The following F11 variants were observed in gnomAD, a reference collection of about 807,000 sequenced individuals.
The protein encoded by F11 is coagualtion factor XI.
Under a neutral mutation model 76.5 loss-of-function variants are expected in F11, and 78 were observed. That is an observed-to-expected ratio of 1.02 (90% CI 0.85 to 1.23). F11 has a LOEUF of 1.23. Among genes scored for constraint, F11 ranks in the 50% most tolerant of loss-of-function variants. The pLI is 0.00. For missense variants in F11, 742 were observed against 771.4 expected (o/e 0.96, Z 0.45); for synonymous variants, 278 against 276.3 (o/e 1.01, Z -0.06).
At chr4:186,280,665 C>A in intron 10 of F11, 85 bp downstream of exon 10, 1 of 1,162,968 alleles carries the variant, frequency 8.6e-7, no homozygotes, top group Non-Finnish European at 1.3e-6. Context: ...CAGTTATAGC[C>A]ACAGAAGGGA....
intron 10 of F11, among the ~76,000 whole-genome samples, chr4:186,283,576 T>C (rs1740950896): frequency 6.6e-6 from 1 of 152,318 alleles, no homozygotes; most frequent in African/African-American, 2.4e-5. Context: ...GCAGAGTCAC[T>C]GGGACAGGGC....
chr4:186,287,812 G>C lies in F11; in HGVS notation c.1705G>C (p.Asp569His), dbSNP rs1381953469. 6 of 1,612,782 alleles carry C rather than the reference G, an allele frequency of 3.7e-6. No homozygotes were observed. The highest frequency in any genetic ancestry group is 5.1e-6 in the Non-Finnish European group (6 of 1,179,222). Residue 569 changes from aspartate to histidine, a missense_variant, in exon 14 of 15, where the codon GAC becomes CAC. Asp to His is a moderately conservative substitution (Grantham distance 81). Coordinates refer to ENST00000403665, the MANE Select transcript of F11 (RefSeq NM_000128.4). Reference protein sequence around the residue: ...ICAGYREGGKDACKGDSGGPL... With the variant: ...ICAGYREGGKHACKGDSGGPL... The stretch of plus-strand genomic sequence containing the variant: ...TGCCGGCTACAGGGAAGGAGGGAAG[G>C]ACGCTTGCAAGGTAACAGAGTGTTC...
intron 2 of F11, among the ~76,000 whole-genome samples, chr4:186,268,377 C>T (rs1384933605): frequency 1.3e-5 from 2 of 152,084 alleles, no homozygotes; most frequent in Non-Finnish European, 2.9e-5. Context: ...GGTCTGGCAG[C>T]CAATCCCTCA....
intron 10 of F11, among the ~76,000 whole-genome samples, chr4:186,281,253 T>A (rs1290093345): frequency 6.6e-6 from 1 of 152,248 alleles, no homozygotes; most frequent in Non-Finnish European, 1.5e-5. Flanking sequence ...GAATTATCGA[T>A]CAGCACTTTG....
intron 4 of F11, among the ~76,000 whole-genome samples, chr4:186,273,704 C>A (rs763573557): frequency 4.6e-5 from 7 of 152,298 alleles, no homozygotes; most frequent in Middle Eastern, 3.4e-3. Context: ...CTGCCCGCCT[C>A]GGCCTTCCAG....
downstream of F11, among the ~76,000 whole-genome samples, chr4:186,289,954 T>C (rs1263221846): frequency 6.6e-6 from 1 of 152,182 alleles, no homozygotes; most frequent in Non-Finnish European, 1.5e-5. Context: ...GTGCTGGGAT[T>C]ACAGGTGTGA....
rs4253831 is a variant in F11, at chr4:186,270,848, C to T, written c.56-761C>T. On this transcript the variant is annotated intron_variant, in intron 2 of 14. Transcript: ENST00000403665. ...AGCTGGGATTACAGGTGGAAACAAC[C>T]ATGCCCAGCTAGTATTTTTTTTTTT... is the stretch of plus-strand genomic sequence containing the variant. Among the ~76,000 whole-genome samples, 1,123 of 148,318 alleles carry T rather than the reference C, an allele frequency of 7.6e-3. 19 individuals carry two copies. The highest frequency in any genetic ancestry group is 0.026 in the African/African-American group (1,058 of 40,124).
intron 12 of F11, 196 bp from the exon 13 acceptor site, chr4:186,286,219 C>T (rs1339172889): frequency 1.7e-6 from 1 of 580,854 alleles, no homozygotes; most frequent in African/African-American, 1.9e-5. Flanking sequence ...TGAGGCTTGT[C>T]TCTCTCTCGC....
rs1741437420 is a variant in F11, at chr4:186,289,433, C to T, written c.*819C>T. ...ACTATGGGCTCCCAAAGAGCTAGAT[C>T]GTATATTTATTTGACAAAAATCACC... On this transcript the variant is annotated 3_prime_UTR_variant, in exon 15 of 15. Transcript: ENST00000403665. 6.6e-6 allele frequency among the ~76,000 whole-genome samples: 1 copy of T among 152,116 alleles called. No homozygotes were observed. The highest frequency in any genetic ancestry group is 1.5e-5 in the Non-Finnish European group (1 of 68,032).
At chr4:186,278,597 G>C (rs1481423872) in intron 7 of F11, among the ~76,000 whole-genome samples, 5 of 152,170 alleles carry the variant, frequency 3.3e-5, no homozygotes, top group African/African-American at 7.2e-5. Context: ...GAAGGAGTCA[G>C]TGATAGCACC....
chr4:186,282,216 AT>A (rs1321536559), intron 10 of F11: 22 of 1,063,858 alleles, frequency 2.1e-5, no homozygotes, highest in Non-Finnish European at 2.5e-5. Flanking sequence ...TTCCTTCTTC[AT>A]TATGGTTTTC....
At chr4:186,277,402 TTTTC>T (rs899670825) in intron 7 of F11, among the ~76,000 whole-genome samples, 2 of 152,228 alleles carry the variant, frequency 1.3e-5, no homozygotes, top group African/African-American at 4.8e-5. Flanking sequence ...CATGATTTTT[TTTTC>T]TTTCTTTTCC....
At chr4:186,279,251 A>G (rs1740601277) in intron 7 of F11, among the ~76,000 whole-genome samples, 1 of 152,080 alleles carries the variant, frequency 6.6e-6, no homozygotes, top group Non-Finnish European at 1.5e-5. Flanking sequence ...GTGTGGTGGC[A>G]TGTGCCTGTA....
chr4:186,277,567 A>C (rs1289585728), intron 7 of F11, among the ~76,000 whole-genome samples: 1 of 152,164 alleles, frequency 6.6e-6, no homozygotes, highest in Admixed American at 6.5e-5. Context: ...AAATAATTGA[A>C]CCAGGAACAG....
At chr4:186,283,545 G>C (rs546014767) in intron 10 of F11, among the ~76,000 whole-genome samples, 2 of 152,306 alleles carry the variant, frequency 1.3e-5, no homozygotes, top group Admixed American at 1.3e-4. Context: ...GGTGGAGCAG[G>C]AGTGACTGGG....
At chr4:186,279,456 A>G (rs980324443) in intron 7 of F11, among the ~76,000 whole-genome samples, 1 of 152,232 alleles carries the variant, frequency 6.6e-6, no homozygotes, top group Non-Finnish European at 1.5e-5. Flanking sequence ...CAAGTGCCCA[A>G]TAGCCACATG....
intron 7 of F11, among the ~76,000 whole-genome samples, chr4:186,277,274 A>G (rs1420271640): frequency 2.0e-5 from 3 of 152,184 alleles, no homozygotes; most frequent in Non-Finnish European, 2.9e-5. Context: ...TCTATAGTAT[A>G]TTCTATACAC....
chr4:186,275,718 T>A (rs1266320486), intron 5 of F11, 69 bp from the exon 6 acceptor site: 1 of 1,184,566 alleles, frequency 8.4e-7, no homozygotes, highest in Non-Finnish European at 1.2e-6. Flanking sequence ...GGGACTTTCT[T>A]AATATCTCAT....
chr4:186,275,653 G>A (rs1740304207), intron 5 of F11, 134 bp from the exon 6 acceptor site: 5 of 698,998 alleles, frequency 7.2e-6, no homozygotes, highest in Non-Finnish European at 1.3e-5. Context: ...ACCATGCCCA[G>A]CCATTCAGCC....
Sources: allele counts gnomAD v4.1 joint callset (sites outside exome capture counted in the v4.1 genomes callset), GRCh38; gene constraint gnomAD v4.1.1; transcripts MANE v1.5; gene names NCBI Gene and HGNC (gene_info 2026-07-23, HGNC 2026-07-21).